Variants in ELMO1 observed in about 807,000 individuals in gnomAD.
ELMO1 encodes the protein engulfment and cell motility 1, also known as engulfment and cell motility protein 1.
Under a neutral mutation model 98.9 loss-of-function variants are expected in ELMO1, and 26 were observed. The ratio of observed to expected loss-of-function variants is 0.26; its 90% CI spans 0.19 to 0.36. The LOEUF (loss-of-function observed/expected upper bound fraction) is 0.36, where lower values mean the gene tolerates loss of function less well. Among genes scored for constraint, ELMO1 ranks in the 10% least tolerant of loss-of-function variants. ELMO1 has a pLI of 1.00. For synonymous variants in ELMO1, 346 were observed against 346.0 expected, an observed-to-expected ratio of 1.00 and a Z score of 0.00; for missense variants, 627 against 935.2, an observed-to-expected ratio of 0.67 and a Z score of 4.30.
intron 2 of ELMO1, among the ~76,000 whole-genome samples, chr7:37,324,218 T>G (rs1482466078): frequency 6.6e-6 from 1 of 152,184 alleles, no homozygotes; most frequent in Non-Finnish European, 1.5e-5. Flanking sequence ...GCCCAAATGC[T>G]CACCTTGGAG....
intron 16 of ELMO1, among the ~76,000 whole-genome samples, chr7:36,950,223 T>C (rs1481748585): frequency 2.6e-5 from 4 of 152,226 alleles, no homozygotes; most frequent in Admixed American, 1.3e-4. Context: ...GTGGATTGAC[T>C]GGCATGCTCA....
intron 20 of ELMO1, among the ~76,000 whole-genome samples, chr7:36,867,942 A>ACACAAGCTTGGTGACAC (rs1803163255): frequency 6.6e-6 from 1 of 152,062 alleles, no homozygotes; most frequent in South Asian, 2.1e-4. Flanking sequence ...TATCTTGGTG[A>ACACAAGCTTGGTGACAC]ATGTTTCCTT....
intron 1 of ELMO1, among the ~76,000 whole-genome samples, chr7:37,381,070 C>T (rs1454253150): frequency 6.6e-6 from 1 of 152,170 alleles, no homozygotes; most frequent in Non-Finnish European, 1.5e-5. Context: ...GCCCGTCAGG[C>T]AACTCAAATT....
At chr7:36,931,371 G>T (rs139284814) in intron 16 of ELMO1, among the ~76,000 whole-genome samples, 2 of 152,158 alleles carry the variant, frequency 1.3e-5, no homozygotes, top group Non-Finnish European at 2.9e-5. Context: ...AAGCTGAGGC[G>T]GGTGGATCAC....
chr7:36,890,007 A>T (rs1420459649), intron 17 of ELMO1, among the ~76,000 whole-genome samples: 1 of 152,194 alleles, frequency 6.6e-6, no homozygotes, highest in Non-Finnish European at 1.5e-5. Context: ...ACACATTAAG[A>T]AAACATAAGT....
intron 6 of ELMO1, among the ~76,000 whole-genome samples, chr7:37,252,446 T>C (rs1795403272): frequency 6.6e-6 from 1 of 152,188 alleles, no homozygotes; most frequent in African/African-American, 2.4e-5. Flanking sequence ...AACCATCTGA[T>C]CTTTGACAAA....
At chr7:37,367,877 C>G (rs565974399) in intron 1 of ELMO1, among the ~76,000 whole-genome samples, 9 of 152,156 alleles carry the variant, frequency 5.9e-5, no homozygotes, top group African/African-American at 4.8e-5. Context: ...TCCTATCTTT[C>G]CCTCCCCACT....
At chr7:36,897,581 A>G (rs1314532211) in intron 16 of ELMO1, among the ~76,000 whole-genome samples, 1 of 152,186 alleles carries the variant, frequency 6.6e-6, no homozygotes, top group Non-Finnish European at 1.5e-5. Flanking sequence ...AGGAGAAGGA[A>G]GCTGGATGGA....
chr7:36,972,872 C>T (rs893121448), intron 16 of ELMO1, among the ~76,000 whole-genome samples: 2 of 152,152 alleles, frequency 1.3e-5, no homozygotes, highest in Admixed American at 1.3e-4. Context: ...CTTCTACCTC[C>T]CAGTTTCAAG....
At position 37,156,430 on chromosome 7, in the gene ELMO1, C is replaced by T. The variant is rs371448921; in HGVS notation, c.1087-23196G>A. Among the ~76,000 whole-genome samples the T allele has an allele frequency of 3.6e-4, 54 of 151,902 alleles. 1 individual carries two copies. The South Asian group carries it at 0.011, about 31-fold the overall frequency. On this transcript the variant is annotated intron_variant, in intron 13 of 21. Coordinates refer to ENST00000310758, the MANE Select transcript of ELMO1 (RefSeq NM_014800.11). ...CAAAATAGATGGACCACTAGCAAGA[C>T]TAATAAAGAAGAAAAGAGTGAAAAA...
At chr7:37,403,484 G>A (rs1414723107) in intron 1 of ELMO1, among the ~76,000 whole-genome samples, 1 of 152,180 alleles carries the variant, frequency 6.6e-6, no homozygotes, top group African/African-American at 2.4e-5. Context: ...TTAAGGCAGT[G>A]AAATTATTCT....
intron 2 of ELMO1, 101 bp from the exon 3 acceptor site, chr7:37,316,061 A>G (rs1170939999): frequency 2.1e-6 from 2 of 966,800 alleles, no homozygotes; most frequent in Non-Finnish European, 3.1e-6. Context: ...AGCAAAGAGA[A>G]TTTACATTTG....
chr7:36,933,750 G>A (rs1786254951), intron 16 of ELMO1, among the ~76,000 whole-genome samples: 1 of 152,180 alleles, frequency 6.6e-6, no homozygotes, highest in Non-Finnish European at 1.5e-5. Context: ...GAGGCAGGTA[G>A]CACTGAGGCA....
chr7:37,341,622 A>C (rs1800728107), intron 2 of ELMO1, among the ~76,000 whole-genome samples: 1 of 152,226 alleles, frequency 6.6e-6, no homozygotes, highest in Non-Finnish European at 1.5e-5. Context: ...GACCCGTATA[A>C]TTCATTTTAA....
intron 15 of ELMO1, among the ~76,000 whole-genome samples, chr7:37,094,582 C>G (rs1784278678): frequency 6.6e-6 from 1 of 152,158 alleles, no homozygotes; most frequent in Non-Finnish European, 1.5e-5. Context: ...GGATGGGGAT[C>G]CACTGACCCA....
intron 2 of ELMO1, among the ~76,000 whole-genome samples, chr7:37,325,190 C>T (rs1799734942): frequency 6.6e-6 from 1 of 152,162 alleles, no homozygotes; most frequent in Non-Finnish European, 1.5e-5. Flanking sequence ...TGACTCCAGC[C>T]CCCGATGCTG....
intron 21 of ELMO1, among the ~76,000 whole-genome samples, chr7:36,859,385 T>C (rs749457267): frequency 6.6e-6 from 1 of 152,220 alleles, no homozygotes; most frequent in African/African-American, 2.4e-5. Context: ...TAAAATGATA[T>C]CCAGATTTGC....
chr7:37,236,356 T>G (rs115634602), intron 7 of ELMO1, among the ~76,000 whole-genome samples: 1 of 152,212 alleles, frequency 6.6e-6, no homozygotes, highest in African/African-American at 2.4e-5. Context: ...TTTCTGAGAC[T>G]GCAAATAGAG....
At chr7:36,969,530 C>A (rs1215993421) in intron 16 of ELMO1, among the ~76,000 whole-genome samples, 1 of 152,124 alleles carries the variant, frequency 6.6e-6, no homozygotes, top group South Asian at 2.1e-4. Context: ...TTGCTTCCCC[C>A]CACTTGCATC....
Sources: gnomAD v4.1 joint callset for allele counts (sites outside exome capture counted in the v4.1 genomes callset) on GRCh38, gnomAD v4.1.1 for gene constraint, MANE v1.5 for transcripts, NCBI Gene and HGNC (gene_info 2026-07-23, HGNC 2026-07-21) for gene names.